The following DSTYK variants were observed in gnomAD, a reference collection of about 807,000 sequenced individuals.
DSTYK encodes RIP-homologous kinase.
DSTYK carries 34 observed loss-of-function variants against 98.7 expected under a neutral mutation model. That is an observed-to-expected ratio of 0.34 (90% confidence interval 0.26 to 0.46). DSTYK has a LOEUF of 0.46. Ranked by LOEUF, DSTYK falls within the 20% of genes least tolerant of loss-of-function variation. The pLI, the probability that DSTYK is intolerant of heterozygous loss-of-function variation, is 1.00. For missense variants in DSTYK, 962 were observed against 1,181.7 expected (o/e 0.81, Z 2.73); for synonymous variants, 462 against 457.3 (o/e 1.01, Z -0.13).
In DSTYK at chr1:205,192,297, C is replaced by T. The variant is rs938233065; in HGVS notation, c.266-4491G>A. 4.0e-5 allele frequency among the ~76,000 whole-genome samples: 6 copies of T among 151,590 alleles called. No individual in the cohort carries two copies. In the East Asian group the frequency reaches 9.8e-4, roughly 25 times the overall value. On this transcript the variant is annotated intron_variant, in intron 1 of 12. Coordinates refer to ENST00000367162, the MANE Select transcript of DSTYK (RefSeq NM_015375.3). The stretch of plus-strand genomic sequence containing the variant: ...CTATAATCCCAGGACTTTGGGAGGC[C>T]GACATGGATGGATGGATGGAGCTCA...
chr1:205,181,182 A>G (rs1006053601), intron 2 of DSTYK, among the ~76,000 whole-genome samples: 1 of 152,016 alleles, frequency 6.6e-6, no homozygotes, highest in Non-Finnish European at 1.5e-5. Flanking sequence ...CTTGGAGTTG[A>G]CCATTTTTTG....
intron 1 of DSTYK, among the ~76,000 whole-genome samples, chr1:205,188,269 C>T (rs1331129006): frequency 6.6e-6 from 1 of 152,182 alleles, no homozygotes; most frequent in East Asian, 1.9e-4. Flanking sequence ...AATACTTGAA[C>T]TCAGATTACA....
At position 205,163,954 on chromosome 1, in the gene DSTYK, G is replaced by T. The variant is rs372309264; in HGVS notation, c.1326C>A (p.Asp442Glu). 2 of 1,613,362 alleles carry T rather than the reference G, an allele frequency of 1.2e-6. No individual in the cohort carries two copies. Among genetic ancestry groups the T allele is most frequent in the Non-Finnish European group, 1.7e-6 (2 of 1,179,376 alleles). The change falls in exon 4 of 13, where the codon GAC becomes GAA. Residue 442 changes from aspartate (D) to glutamate (E), a missense_variant and splice_region_variant. Physicochemically the swap from Asp to Glu is conservative, Grantham distance 45. Around this residue, in one of 4 missense-constraint regions of DSTYK, gnomAD observed 660 missense variants for 855.0 expected, o/e 0.77. Coordinates refer to ENST00000367162, the MANE Select transcript of DSTYK (RefSeq NM_015375.3). ...GTTCTCCATTCTCAGGGACAATGAC[G>T]TCTATGGAGGCAGAGAAATAAGCTG... is the stretch of plus-strand genomic sequence containing the variant. The part of the protein sequence containing the change: ...LDDATNMEFK[D>E]VIVPENGEPV...
At chr1:205,175,245 C>T (rs1434952743) in intron 2 of DSTYK, among the ~76,000 whole-genome samples, 1 of 151,964 alleles carries the variant, frequency 6.6e-6, no homozygotes, top group East Asian at 1.9e-4. Context: ...GGACTACAGG[C>T]GCACGCCCGG....
At chr1:205,176,621 T>C (rs991316555) in intron 2 of DSTYK, among the ~76,000 whole-genome samples, 2 of 151,990 alleles carry the variant, frequency 1.3e-5, no homozygotes, top group African/African-American at 4.8e-5. Flanking sequence ...TTTAAATTTT[T>C]TGTAGAGACA....
chr1:205,165,006 C>T (rs1312941033), intron 3 of DSTYK, among the ~76,000 whole-genome samples: 1 of 152,134 alleles, frequency 6.6e-6, no homozygotes, highest in Admixed American at 6.6e-5. Flanking sequence ...GCTCATTATT[C>T]CAAATCCTAT....
Position 205,211,404 on chromosome 1 carries a change from GT to G in DSTYK, c.131del (p.Asn44ThrfsTer48). On this transcript the variant is annotated frameshift_variant, in exon 1 of 13. Transcript: ENST00000367162. LOFTEE classifies it high-confidence loss of function. ...GGAAGAACTTCTGGGTCTCGCGCAG[GT>G]TCTGTCGCAGCCGTCCCAGGTAGCG... Reference protein sequence around the residue: ...YRRYLGRLRQNLRETQKFFRD... With the variant: ...YRRYLGRLRQXLRETQKFFRD... The G allele has an allele frequency of 6.2e-7, 1 of 1,611,322 alleles. No homozygotes were observed.
rs201756720 is a variant in DSTYK, at chr1:205,169,138, C to A, written c.1324+25G>T. On this transcript the variant is annotated intron_variant, in intron 3 of 12. Transcript: ENST00000367162. This position sits in a 1 kb window ranked among gnomAD's most constrained non-coding sequence, Gnocchi z 4.0. Reference sequence around the variant, plus strand: ...GTTAGAGACTCCTCCCGTGCCAGCACCCCAACAAGCTCTCTGGGACCTACC... The same window carrying A: ...GTTAGAGACTCCTCCCGTGCCAGCAACCCAACAAGCTCTCTGGGACCTACC... The A allele has an allele frequency of 1.3e-4, 206 of 1,547,692 alleles. No individual in the cohort carries two copies. Among genetic ancestry groups the A allele is most frequent in the Middle Eastern group, 1.7e-4 (1 of 5,722 alleles).
rs1657593180 is a variant in DSTYK, at chr1:205,157,372, C to T, written c.2253G>A (p.Leu751=). 6.2e-7 allele frequency: 1 copy of T among 1,614,024 alleles called. No individual in the cohort carries two copies. Among genetic ancestry groups the T allele is most frequent in the African/African-American group, 1.3e-5 (1 of 74,918 alleles). The stretch of plus-strand genomic sequence containing the variant: ...CTAGTGCTATCTGCAAACGTGTCTC[C>T]AGGGTCAGCCCAGCCTTGGGGAGAC... ...LYTGLKAGLT[L]ETRLQIALDV... Residue 751 remains leucine (L), a synonymous_variant, in exon 10 of 13, where the codon CTG becomes CTA. Coordinates refer to ENST00000367162, the MANE Select transcript of DSTYK (RefSeq NM_015375.3).
chr1:205,211,190 G>A, intron 1 of DSTYK, 81 bp downstream of exon 1: 1 of 1,487,698 alleles, frequency 6.7e-7, no homozygotes, highest in Admixed American at 2.3e-5. Context: ...GAAGACTCGG[G>A]CTTGTTTTGC....
chr1:205,189,097 GT>G (rs1376311218), intron 1 of DSTYK, among the ~76,000 whole-genome samples: 1 of 151,234 alleles, frequency 6.6e-6, no homozygotes, highest in Non-Finnish European at 1.5e-5. Flanking sequence ...TAAAAAATCT[GT>G]TTTTCACCAC....
intron 1 of DSTYK, among the ~76,000 whole-genome samples, chr1:205,193,479 TG>T (rs1372061744): frequency 6.6e-6 from 1 of 152,194 alleles, no homozygotes; most frequent in African/African-American, 2.4e-5. Flanking sequence ...GAAGCAAGGT[TG>T]CTCTCTGACC....
chr1:205,169,391 G>A lies in DSTYK; in HGVS notation c.1096C>T (p.His366Tyr). Residue 366 changes from histidine (H) to tyrosine (Y), a missense_variant, in exon 3 of 13, where the codon CAC becomes TAC. Coordinates refer to ENST00000367162, the MANE Select transcript of DSTYK (RefSeq NM_015375.3). The surrounding 1 kb of genome is among the most constrained non-coding windows in gnomAD (Gnocchi z 4.0). ...ATAAAGATGTCAAGGCAGTGGCAGT[G>A]CACCAGGTTCAGGGCCTTGGCTGCA... ...VDAAKALNLV[H>Y]CHCLDIFINQ... 2 of 1,614,194 alleles carry A rather than the reference G, an allele frequency of 1.2e-6. No homozygotes were observed. The highest frequency in any genetic ancestry group is 1.7e-6 in the Non-Finnish European group (2 of 1,180,032).
At chr1:205,192,818 C>G (rs930762018) in intron 1 of DSTYK, among the ~76,000 whole-genome samples, 2 of 152,080 alleles carry the variant, frequency 1.3e-5, no homozygotes, top group African/African-American at 4.8e-5. Flanking sequence ...GCCGAGATAA[C>G]GCCATTGCAC....
At chr1:205,158,059 T>C (rs565883926) in intron 9 of DSTYK, among the ~76,000 whole-genome samples, 1 of 152,306 alleles carries the variant, frequency 6.6e-6, no homozygotes, top group South Asian at 2.1e-4. Flanking sequence ...AGCCCAGGTT[T>C]GGTTTTATGG....
chr1:205,210,571 T>C (rs1659341264), intron 1 of DSTYK, among the ~76,000 whole-genome samples: 1 of 152,222 alleles, frequency 6.6e-6, no homozygotes. Flanking sequence ...TGGCACATCC[T>C]AGAAAGAATC....
rs1294390706 is a variant in DSTYK at position 205,142,893 on chromosome 1, A to C, written c.*4665T>G. ...GCTGCCCAGACCAATTTTCTTTTCA[A>C]CTATCTGGGCAAGGTGGCCTCCCCA... On this transcript the variant is annotated 3_prime_UTR_variant, in exon 13 of 13. Coordinates refer to ENST00000367162, the MANE Select transcript of DSTYK (RefSeq NM_015375.3). The C allele has an allele frequency of 6.6e-6, 1 of 152,198 alleles. No individual in the cohort carries two copies. The highest frequency in any genetic ancestry group is 6.5e-5 in the Admixed American group (1 of 15,284). The allele number at this position is 152,198 out of a possible 1,614,324, so 9.4% of individuals were successfully genotyped here. A position where few individuals can be genotyped will look rare whatever the true frequency, so the allele number is the denominator to read the frequency against.
At chr1:205,184,102 G>A (rs2102444207) in intron 2 of DSTYK, among the ~76,000 whole-genome samples, 1 of 152,196 alleles carries the variant, frequency 6.6e-6, no homozygotes, top group South Asian at 2.1e-4. Context: ...AGTCTCCTCA[G>A]TTGTTCCCTC....
intron 1 of DSTYK, among the ~76,000 whole-genome samples, chr1:205,190,815 C>T (rs1658691699): frequency 1.3e-5 from 2 of 152,134 alleles, no homozygotes; most frequent in Admixed American, 1.3e-4. Flanking sequence ...TACTGACAAC[C>T]TTTAAATTCC....
Sources: gnomAD v4.1 joint callset for allele counts (sites outside exome capture counted in the v4.1 genomes callset) on GRCh38, gnomAD v4.1.1 for gene constraint, gnomAD v4.1.1 regional missense constraint, Gnocchi (gnomAD v3.1) non-coding constraint, MANE v1.5 for transcripts, NCBI Gene and HGNC (gene_info 2026-07-23, HGNC 2026-07-21) for gene names.